SYTL3: variants seen among roughly 807,000 people sequenced by gnomAD.
SYTL3 encodes synaptotagmin-like protein 3.
SYTL3 carries 88 observed loss-of-function variants against 82.1 expected under a neutral mutation model. The ratio of observed to expected loss-of-function variants is 1.07; its 90% CI spans 0.90 to 1.28. The LOEUF is 1.28. Ranked by LOEUF, SYTL3 falls within the 50% of genes most tolerant of loss-of-function variation. The probability of loss-of-function intolerance (pLI) is 0.00; values close to 1 mark genes in which losing one functional copy is unlikely to be tolerated. For missense variants in SYTL3, 831 were observed against 757.6 expected (o/e 1.10, Z -1.14); for synonymous variants, 311 against 289.4 (o/e 1.07, Z -0.76).
chr6:158,752,075 G>T, intron 13 of SYTL3, 45 bp downstream of exon 13: 4 of 1,440,856 alleles, frequency 2.8e-6, no homozygotes, highest in East Asian at 2.6e-5. Context: ...TCCCGAGCCC[G>T]GGTGGAGCGC....
chr6:158,735,225 T>C (rs1025493068), intron 11 of SYTL3, among the ~76,000 whole-genome samples: 6 of 152,122 alleles, frequency 3.9e-5, no homozygotes, highest in African/African-American at 1.4e-4. Flanking sequence ...GACTTTTTGT[T>C]GGAAAACAAA....
intron 3 of SYTL3, 36 bp downstream of exon 3, chr6:158,661,421 C>G (rs1268533317): frequency 1.3e-5 from 2 of 152,228 alleles, no homozygotes; most frequent in Non-Finnish European, 1.5e-5. Flanking sequence ...TTGTGATTTT[C>G]CCTTCATCTA....
At chr6:158,705,485 GAC>G (rs1562400387) in intron 6 of SYTL3, among the ~76,000 whole-genome samples, 24 of 114,868 alleles carry the variant, frequency 2.1e-4, no homozygotes, top group Admixed American at 5.1e-4. Context: ...GGGACAGGGT[GAC>G]AGGGCTATAA....
intron 11 of SYTL3, among the ~76,000 whole-genome samples, chr6:158,734,043 C>T (rs924864779): frequency 5.2e-5 from 7 of 135,136 alleles, no homozygotes; most frequent in Non-Finnish European, 7.6e-5. Context: ...TGCAGTGAGC[C>T]GAGATTGCGC....
At chr6:158,741,701 A>C (rs1011594604) in intron 11 of SYTL3, among the ~76,000 whole-genome samples, 1 of 152,168 alleles carries the variant, frequency 6.6e-6, no homozygotes, top group Non-Finnish European at 1.5e-5. Context: ...ACACATCACA[A>C]TCTGATTGAG....
intron 2 of SYTL3, among the ~76,000 whole-genome samples, chr6:158,655,398 G>T (rs2063013052): frequency 6.6e-6 from 1 of 152,158 alleles, no homozygotes; most frequent in Admixed American, 6.5e-5. Context: ...CAAACATCAA[G>T]TGCCTCCTGG....
rs571491564 is a variant in SYTL3, at chr6:158,700,412, C to T, written c.395-6818C>T. The stretch of plus-strand genomic sequence containing the variant: ...GATTACAGGTATGAGCCACCACACC[C>T]GGCGTCACTTATTCTTATCTCTCTC... On this transcript the variant is annotated intron_variant, in intron 6 of 17. Coordinates refer to ENST00000611299, the MANE Select transcript of SYTL3 (RefSeq NM_001242394.2). 9.9e-5 allele frequency among the ~76,000 whole-genome samples: 15 copies of T among 151,578 alleles called. No individual in the cohort carries two copies. In the East Asian group the frequency reaches 2.6e-3, roughly 26 times the overall value.
intron 10 of SYTL3, among the ~76,000 whole-genome samples, chr6:158,721,422 G>A (rs1311277275): frequency 6.6e-6 from 1 of 151,910 alleles, no homozygotes; most frequent in Non-Finnish European, 1.5e-5. Context: ...TGTTGCCCAG[G>A]CTGGTCTCAA....
intron 16 of SYTL3, among the ~76,000 whole-genome samples, chr6:158,762,706 CAGG>C (rs991298263): frequency 6.6e-6 from 1 of 152,114 alleles, no homozygotes; most frequent in African/African-American, 2.4e-5. Context: ...CACCTGAGGT[CAGG>C]AGTTCAAAAC....
At chr6:158,653,547 A>G (rs1788303905) in intron 2 of SYTL3, among the ~76,000 whole-genome samples, 1 of 152,112 alleles carries the variant, frequency 6.6e-6, no homozygotes, top group Non-Finnish European at 1.5e-5. Flanking sequence ...AAAAGTCATG[A>G]GGTTTTCAGG....
chr6:158,714,249 A>C (rs1583337517), intron 9 of SYTL3, among the ~76,000 whole-genome samples: 1 of 152,066 alleles, frequency 6.6e-6, no homozygotes, highest in Non-Finnish European at 1.5e-5. Flanking sequence ...CTACTGGGGA[A>C]GCTGAGGCAG....
chr6:158,664,905 T>TAA (rs11442844), intron 4 of SYTL3, among the ~76,000 whole-genome samples: 31 of 150,450 alleles, frequency 2.1e-4, no homozygotes, highest in Admixed American at 1.3e-3. Flanking sequence ...GACCACTTAT[T>TAA]AAAAAAAAAA....
At chr6:158,760,414 C>A (rs1037841289) in intron 14 of SYTL3, among the ~76,000 whole-genome samples, 1 of 152,142 alleles carries the variant, frequency 6.6e-6, no homozygotes, top group Non-Finnish European at 1.5e-5. Context: ...GGCTCTGGTT[C>A]GCTGGGGTGG....
At position 158,707,280 on chromosome 6, in the gene SYTL3, A is replaced by G. The variant is rs761745333; in HGVS notation, c.445A>G (p.Ser149Gly). ...GQLLQSYQKL[S>G]KISVVPPTPP... ...GCTCTTGCAATCTTATCAGAAGCTG[A>G]GGTGAGTGTTACAAAGGACAGACCG... The change falls in exon 7 of 18, where the codon AGC (serine) becomes GGC (glycine). Residue 149 changes from serine to glycine, a missense_variant and splice_region_variant. Transcript: ENST00000611299. 3 of 1,613,830 alleles carry G rather than the reference A, an allele frequency of 1.9e-6. No individual in the cohort carries two copies. The highest frequency in any genetic ancestry group is 2.2e-5 in the East Asian group (1 of 44,892).
chr6:158,721,476 G>A (rs552558623), intron 10 of SYTL3, among the ~76,000 whole-genome samples: 1 of 151,884 alleles, frequency 6.6e-6, no homozygotes, highest in Non-Finnish European at 1.5e-5. Flanking sequence ...CTCCCAAAGT[G>A]CTAGGATTAC....
At position 158,693,846 on chromosome 6, in the gene SYTL3, T is replaced by TTTAC. The variant is rs1212908839; in HGVS notation, c.394+10859_394+10860insACTT. ...GTGTGCCACTGCATCCAGCCTTTCT[T>TTTAC]TTTCTTTTCTTTTTTTTTTTTTTTT... is the stretch of plus-strand genomic sequence containing the variant. On this transcript the variant is annotated intron_variant, in intron 6 of 17. Transcript: ENST00000611299. Among the ~76,000 whole-genome samples the TTTAC allele has an allele frequency of 1.3e-3, 106 of 80,446 alleles. 4 individuals carry two copies. The Middle Eastern group carries it at 0.021, about 16-fold the overall frequency. 52.8% of individuals were successfully genotyped at this position (80,446 alleles called of 152,430 possible).
chr6:158,762,198 A>G lies in SYTL3; in HGVS notation c.1517+20A>G. 1.3e-6 allele frequency: 2 copies of G among 1,550,352 alleles called. No homozygotes were observed. The highest frequency in any genetic ancestry group is 1.8e-6 in the Non-Finnish European group (2 of 1,122,598). Reference sequence around the variant, plus strand: ...TAAGGGGTAGGTATTCGATGTAATCAAATATTTATTGGTGATCTAGTATAC... The same window carrying G: ...TAAGGGGTAGGTATTCGATGTAATCGAATATTTATTGGTGATCTAGTATAC... On this transcript the variant is annotated intron_variant, in intron 16 of 17. Transcript: ENST00000611299.
chr6:158,710,771 CTT>C (rs3062743), intron 8 of SYTL3, among the ~76,000 whole-genome samples: 2 of 141,420 alleles, frequency 1.4e-5, no homozygotes, highest in Admixed American at 7.1e-5. Context: ...GTGGTCTAAG[CTT>C]TTTTTTTTTT....
intron 4 of SYTL3, among the ~76,000 whole-genome samples, chr6:158,664,099 G>A (rs1789718156): frequency 6.6e-6 from 1 of 152,044 alleles, no homozygotes; most frequent in Non-Finnish European, 1.5e-5. Context: ...AGGAAGTGAG[G>A]GTTTGGTTTC....
Sources: gnomAD v4.1 joint callset for allele counts (sites outside exome capture counted in the v4.1 genomes callset) on GRCh38, gnomAD v4.1.1 for gene constraint, MANE v1.5 for transcripts, NCBI Gene and HGNC (gene_info 2026-07-23, HGNC 2026-07-21) for gene names.